DTNA: variants seen among roughly 807,000 people sequenced by gnomAD.
DTNA encodes the protein dystrobrevin alpha.
DTNA carries 43 observed loss-of-function variants against 100.7 expected under a neutral mutation model. The observed-to-expected ratio is 0.43, with a 90% confidence interval of 0.33 to 0.55. DTNA has a LOEUF of 0.55. Among genes scored for constraint, DTNA ranks in the 20% least tolerant of loss-of-function variants. The pLI is 0.04. For synonymous variants in DTNA, 349 were observed against 347.9 expected (o/e 1.00, Z -0.04); for missense variants, 798 against 953.9 (o/e 0.84, Z 2.15).
chr18:34,502,311 A>T (rs749044890), intron 1 of DTNA, among the ~76,000 whole-genome samples: 30 of 152,110 alleles, frequency 2.0e-4, no homozygotes, highest in Non-Finnish European at 3.8e-4. Flanking sequence ...TTAAAAGAAC[A>T]CATTGTTTCA....
upstream of DTNA, among the ~76,000 whole-genome samples, chr18:34,707,533 A>G (rs1475140391): frequency 1.3e-5 from 2 of 152,300 alleles, no homozygotes; most frequent in East Asian, 1.9e-4. Flanking sequence ...TTGGCAATCA[A>G]TCATATTAAA....
intron 4 of DTNA, among the ~76,000 whole-genome samples, chr18:34,794,967 G>A: frequency 6.6e-6 from 1 of 152,132 alleles, no homozygotes; most frequent in African/African-American, 2.4e-5. Flanking sequence ...TGGGGACTTA[G>A]GTGTTCAACA....
chr18:34,536,363 G>A (rs1158731094), intron 1 of DTNA, among the ~76,000 whole-genome samples: 1 of 151,784 alleles, frequency 6.6e-6, no homozygotes, highest in African/African-American at 2.4e-5. Context: ...CTGCGAAATG[G>A]TTTTTCAAGT....
At chr18:34,673,347 C>T (rs2077003135) in intron 1 of DTNA, among the ~76,000 whole-genome samples, 1 of 151,974 alleles carries the variant, frequency 6.6e-6, no homozygotes, top group Admixed American at 6.6e-5. Context: ...GTCATGTTGC[C>T]CAGGCTGGTC....
intron 1 of DTNA, among the ~76,000 whole-genome samples, chr18:34,539,666 AG>A (rs973201993): frequency 4.6e-5 from 7 of 151,954 alleles, no homozygotes; most frequent in Non-Finnish European, 7.4e-5. Flanking sequence ...CTAAGTTACC[AG>A]CAGTTAATTG....
At chr18:34,648,602 C>G (rs1316787166) in intron 1 of DTNA, among the ~76,000 whole-genome samples, 1 of 152,216 alleles carries the variant, frequency 6.6e-6, no homozygotes, top group Non-Finnish European at 1.5e-5. Context: ...ATTAAAATGA[C>G]TGCTGCCACT....
intron 3 of DTNA, among the ~76,000 whole-genome samples, chr18:34,791,131 C>T (rs149515623): frequency 5.9e-4 from 90 of 152,242 alleles, no homozygotes; most frequent in African/African-American, 2.1e-3. Context: ...TCCCATGGGC[C>T]TGGATAATTC....
At chr18:34,811,342 A>G (rs1271543177) in intron 5 of DTNA, among the ~76,000 whole-genome samples, 1 of 152,204 alleles carries the variant, frequency 6.6e-6, no homozygotes, top group East Asian at 1.9e-4. Context: ...TCACTACACG[A>G]GTCAGAAAAC....
chr18:34,602,696 T>C (rs2579804), intron 1 of DTNA, among the ~76,000 whole-genome samples: 29,318 of 150,948 alleles, frequency 0.19, 3,144 homozygotes, highest in African/African-American at 0.27. Context: ...AGCCTGTCTC[T>C]ACAAAAAAAA....
intron 1 of DTNA, among the ~76,000 whole-genome samples, chr18:34,656,005 G>A (rs1293171092): frequency 6.6e-6 from 1 of 152,196 alleles, no homozygotes; most frequent in Admixed American, 6.5e-5. Context: ...ACACACGTGT[G>A]CACACTGAGT....
At chr18:34,851,693 G>T in intron 14 of DTNA, 138 bp from the exon 15 acceptor site, 1 of 994,726 alleles carries the variant, frequency 1.0e-6, no homozygotes, top group African/African-American at 1.6e-5. Flanking sequence ...AATGGCAATT[G>T]AATTTTATGT....
intron 1 of DTNA, among the ~76,000 whole-genome samples, chr18:34,535,008 A>G (rs1428581886): frequency 6.6e-6 from 1 of 152,202 alleles, no homozygotes; most frequent in Admixed American, 6.5e-5. Context: ...GTATATACCC[A>G]GTAATGGGAT....
chr18:34,542,411 G>A (rs1249720995), intron 1 of DTNA, among the ~76,000 whole-genome samples: 1 of 152,002 alleles, frequency 6.6e-6, no homozygotes, highest in African/African-American at 2.4e-5. Flanking sequence ...TGTGGGTACT[G>A]TGGTGATCCA....
chr18:34,578,947 C>G (rs771764836), intron 1 of DTNA, among the ~76,000 whole-genome samples: 2 of 152,024 alleles, frequency 1.3e-5, no homozygotes, highest in Non-Finnish European at 2.9e-5. Context: ...TTTGTCACAT[C>G]TGTTTTTTGT....
intron 5 of DTNA, among the ~76,000 whole-genome samples, chr18:34,809,181 G>A (rs1163785436): frequency 2.0e-5 from 3 of 152,192 alleles, no homozygotes; most frequent in South Asian, 2.1e-4. Flanking sequence ...TGGAATGAGC[G>A]AATGTGGGCA....
At position 34,780,116 on chromosome 18, in the gene DTNA, T is replaced by A. The variant is rs199653948; in HGVS notation, c.149-13921T>A. ...TTACAAAATCAAGTATATATATATA[T>A]AACATATTTAAATAAATTGTCGGTA... is the stretch of plus-strand genomic sequence containing the variant. On this transcript the variant is annotated intron_variant, in intron 3 of 22. Transcript: ENST00000444659. Among the ~76,000 whole-genome samples, 14 of 134,272 alleles carry A rather than the reference T, an allele frequency of 1.0e-4. No individual in the cohort carries two copies. In the East Asian group the frequency reaches 2.9e-3, roughly 28 times the overall value. 88.1% of individuals were successfully genotyped at this position (134,272 alleles called of 152,430 possible). A position where few individuals can be genotyped will look rare whatever the true frequency, so the allele number is the denominator to read the frequency against.
intron 1 of DTNA, among the ~76,000 whole-genome samples, chr18:34,668,800 A>G (rs1165872383): frequency 6.6e-6 from 1 of 152,060 alleles, no homozygotes; most frequent in East Asian, 1.9e-4. Context: ...ACAGTTTGTT[A>G]TAATTTCTGT....
chr18:34,873,034 T>C (rs1223876783), intron 17 of DTNA, among the ~76,000 whole-genome samples: 1 of 152,226 alleles, frequency 6.6e-6, no homozygotes, highest in Non-Finnish European at 1.5e-5. Flanking sequence ...ATACTTCATA[T>C]GGTTATTAAG....
At chr18:34,785,154 C>CAGGAGATTTGGGA (rs2094466739) in intron 3 of DTNA, among the ~76,000 whole-genome samples, 2 of 152,048 alleles carry the variant, frequency 1.3e-5, no homozygotes, top group African/African-American at 4.8e-5. Flanking sequence ...ACCTCATGAT[C>CAGGAGATTTGGGA]CGCCCTCCTC....
Sources: allele counts gnomAD v4.1 joint callset (sites outside exome capture counted in the v4.1 genomes callset), GRCh38; gene constraint gnomAD v4.1.1; transcripts MANE v1.5; gene names NCBI Gene and HGNC (gene_info 2026-07-23, HGNC 2026-07-21).